Variants in RP1 observed in about 807,000 individuals in gnomAD.
The protein encoded by RP1 is RP1 axonemal microtubule associated.
In RP1, 16 loss-of-function variants were observed where a neutral mutation model predicts 14.8. The observed-to-expected ratio is 1.08, with a 90% CI of 0.73 to 1.65. RP1 has a LOEUF of 1.65. Ranked by LOEUF, RP1 falls within the 40% of genes most tolerant of loss-of-function variation. The pLI, the probability that RP1 is intolerant of heterozygous loss-of-function variation, is 0.00. For missense variants in RP1, 2,631 were observed against 2,535.0 expected (o/e 1.04, Z -0.81); for synonymous variants, 876 against 883.6 (o/e 0.99, Z 0.15).
intron 15 of RP1, among the ~76,000 whole-genome samples, chr8:54,714,056 G>T (rs1808347874): frequency 1.3e-5 from 2 of 152,132 alleles, no homozygotes; most frequent in African/African-American, 2.4e-5. Flanking sequence ...TTCCCGAGTA[G>T]CTGGGGTTAC....
intron 12 of RP1, chr8:54,679,967 C>G: frequency 6.5e-7 from 1 of 1,530,020 alleles, no homozygotes; most frequent in Non-Finnish European, 8.7e-7. Context: ...TGGTGCTGGA[C>G]AGGTCTGGGA....
intron 19 of RP1, among the ~76,000 whole-genome samples, chr8:54,749,587 G>A (rs1361008311): frequency 1.3e-5 from 2 of 152,150 alleles, no homozygotes; most frequent in Non-Finnish European, 2.9e-5. Flanking sequence ...AAGGGGCTCA[G>A]GGAGGACATG....
intron 24 of RP1, among the ~76,000 whole-genome samples, chr8:54,810,612 A>G (rs1248094916): frequency 6.6e-6 from 1 of 152,196 alleles, no homozygotes; most frequent in African/African-American, 2.4e-5. Flanking sequence ...ACCAAGGTCC[A>G]TGTGTTCCTT....
chr8:54,663,633 C>T, intron 6 of RP1: 1 of 1,358,840 alleles, frequency 7.4e-7, no homozygotes, highest in East Asian at 2.8e-5. Flanking sequence ...GAGGAGATTT[C>T]TGTATGTAAT....
intron 28 of RP1, among the ~76,000 whole-genome samples, chr8:54,867,685 C>T (rs1185458366): frequency 6.6e-6 from 1 of 152,170 alleles, no homozygotes; most frequent in Admixed American, 6.5e-5. Context: ...TGATACTACA[C>T]ATGCAAATGA....
At position 54,816,353 on chromosome 8, in the gene RP1, C is replaced by T. The variant is rs118010378; in HGVS notation, c.3616-21097C>T. Among the ~76,000 whole-genome samples, 238 of 152,188 alleles carry T rather than the reference C, an allele frequency of 1.6e-3. 1 individual carries two copies. Among genetic ancestry groups the T allele is most frequent in the Non-Finnish European group, 3.0e-3 (201 of 68,006 alleles). On this transcript the variant is annotated intron_variant, in intron 24 of 28. Coordinates refer to the RP1 transcript ENST00000637698. ...CTGCAGACATGGAAAATGCTAATGG[C>T]CATTAAAAGCAAAGACAAAGGAAGG...
chr8:54,688,318 T>C (rs1807618191), intron 12 of RP1, among the ~76,000 whole-genome samples: 1 of 152,202 alleles, frequency 6.6e-6, no homozygotes, highest in Non-Finnish European at 1.5e-5. Flanking sequence ...TTAGTTTAAT[T>C]ACATCCCATT....
At chr8:54,720,712 A>G (rs551766933) in intron 16 of RP1, among the ~76,000 whole-genome samples, 66 of 152,368 alleles carry the variant, frequency 4.3e-4, no homozygotes, top group African/African-American at 1.4e-3. Flanking sequence ...ATAAAGATCA[A>G]CACAATTGGG....
chr8:54,731,416 T>A (rs1808791580), intron 17 of RP1, among the ~76,000 whole-genome samples: 1 of 152,086 alleles, frequency 6.6e-6, no homozygotes, highest in East Asian at 1.9e-4. Flanking sequence ...TAGCTTAGAG[T>A]ATTTTAAACT....
In RP1 at chr8:54,627,729, A is replaced by G; in HGVS notation, c.3847A>G (p.Ser1283Gly). ...TAACCCCAGTGACACTTTTTTTCCTAGTGATGGTTATGGTGTGGATCAGAC... is the reference window on the plus strand; with the variant it reads ...TAACCCCAGTGACACTTTTTTTCCTGGTGATGGTTATGGTGTGGATCAGAC... ...TCNPSDTFFP[S>G]DGYGVDQTSM... Residue 1283 changes from serine (S) to glycine (G), a missense_variant, in exon 4 of 4, where the codon AGT becomes GGT. By Grantham distance (56) the Ser-to-Gly change is moderately conservative. Coordinates refer to ENST00000220676, the MANE Select transcript of RP1 (RefSeq NM_006269.2). 6.2e-7 allele frequency: 1 copy of G among 1,614,008 alleles called. No individual in the cohort carries two copies. Among genetic ancestry groups the G allele is most frequent in the African/African-American group, 1.3e-5 (1 of 75,010 alleles).
At chr8:54,695,877 A>C (rs1475292641) in intron 12 of RP1, among the ~76,000 whole-genome samples, 2 of 152,178 alleles carry the variant, frequency 1.3e-5, no homozygotes, top group Admixed American at 6.6e-5. Context: ...TGAGATCCTA[A>C]GTCTTAAACA....
intron 6 of RP1, among the ~76,000 whole-genome samples, chr8:54,658,237 T>C (rs1806797349): frequency 6.6e-6 from 1 of 152,204 alleles, no homozygotes; most frequent in Non-Finnish European, 1.5e-5. Context: ...TATACCATGT[T>C]AACAGAATTT....
chr8:54,665,430 G>A (rs564367125), intron 7 of RP1, among the ~76,000 whole-genome samples: 1 of 152,226 alleles, frequency 6.6e-6, no homozygotes, highest in South Asian at 2.1e-4. Flanking sequence ...AGGAGTTTAG[G>A]GTGTGCCAAG....
At chr8:54,631,002 C>A (rs1806237147), downstream of RP1, among the ~76,000 whole-genome samples, 1 of 152,082 alleles carries the variant, frequency 6.6e-6, no homozygotes, top group South Asian at 2.1e-4. Context: ...TTTAAGAGTC[C>A]TTCCACTGCA....
At chr8:54,737,846 T>A (rs780253055) in intron 18 of RP1, among the ~76,000 whole-genome samples, 1 of 152,176 alleles carries the variant, frequency 6.6e-6, no homozygotes, top group Non-Finnish European at 1.5e-5. Flanking sequence ...AGTCCATAGG[T>A]AGGCAATGTC....
chr8:54,859,104 G>T (rs1812277134), intron 27 of RP1, among the ~76,000 whole-genome samples: 1 of 152,076 alleles, frequency 6.6e-6, no homozygotes, highest in Non-Finnish European at 1.5e-5. Context: ...CTGCAGAGTG[G>T]TGTCACTGTA....
chr8:54,792,845 T>C (rs1266793049), intron 24 of RP1, among the ~76,000 whole-genome samples: 2 of 150,146 alleles, frequency 1.3e-5, no homozygotes, highest in Non-Finnish European at 3.0e-5. Flanking sequence ...AAGATTAGAA[T>C]GGGAAAAAAA....
At chr8:54,828,842 ATCT>A (rs144122184) in intron 24 of RP1, among the ~76,000 whole-genome samples, 35,494 of 142,782 alleles carry the variant, frequency 0.25, 4,926 homozygotes, top group Middle Eastern at 0.42. Flanking sequence ...GTCCATTATA[ATCT>A]TCTTCTTCTT....
At chr8:54,783,995 A>C (rs1810255346) in intron 24 of RP1, among the ~76,000 whole-genome samples, 1 of 152,156 alleles carries the variant, frequency 6.6e-6, no homozygotes, top group South Asian at 2.1e-4. Flanking sequence ...TACTAATCCT[A>C]TTGTCAAGTT....
Sources: allele counts gnomAD v4.1 joint callset (sites outside exome capture counted in the v4.1 genomes callset), GRCh38; gene constraint gnomAD v4.1.1; transcripts MANE v1.5; gene names NCBI Gene and HGNC (gene_info 2026-07-23, HGNC 2026-07-21).